Variants in FGGY observed in about 807,000 individuals in gnomAD.
FGGY encodes FGGY carbohydrate kinase domain containing.
FGGY carries 72 observed loss-of-function variants against 71.3 expected under a neutral mutation model. That is an observed-to-expected ratio of 1.01 (90% CI 0.84 to 1.23). FGGY has a LOEUF of 1.23. FGGY is among the 50% of genes most tolerant of loss of function. FGGY has a pLI of 0.00. For synonymous variants in FGGY, 251 were observed against 250.3 expected (o/e 1.00, Z -0.02); for missense variants, 668 against 682.3 (o/e 0.98, Z 0.23).
chr1:59,632,262 A>G (rs187561072), intron 10 of FGGY, among the ~76,000 whole-genome samples: 1 of 152,352 alleles, frequency 6.6e-6, no homozygotes, highest in Non-Finnish European at 1.5e-5. Context: ...AGCCATTGAT[A>G]AATGCTCTAA....
At chr1:59,538,931 C>A (rs2095390714) in intron 7 of FGGY, among the ~76,000 whole-genome samples, 1 of 151,758 alleles carries the variant, frequency 6.6e-6, no homozygotes, top group South Asian at 2.1e-4. Flanking sequence ...ACCAACATGG[C>A]ACGTATATGC....
intron 5 of FGGY, among the ~76,000 whole-genome samples, chr1:59,446,152 C>T (rs554097314): frequency 3.6e-4 from 55 of 152,254 alleles, no homozygotes; most frequent in Non-Finnish European, 5.3e-4. Context: ...TAATTAGTAC[C>T]GTCCTTATTT....
At chr1:59,640,650 A>G (rs1457662107) in intron 11 of FGGY, among the ~76,000 whole-genome samples, 1 of 142,568 alleles carries the variant, frequency 7.0e-6, no homozygotes, top group East Asian at 1.9e-4. Flanking sequence ...GCTTATTTAT[A>G]ATTTATAGGC....
chr1:59,454,048 G>C (rs1368126899), intron 5 of FGGY, among the ~76,000 whole-genome samples: 1 of 152,146 alleles, frequency 6.6e-6, no homozygotes, highest in East Asian at 1.9e-4. Flanking sequence ...TTAGCTTGGA[G>C]GTAGTAGAGA....
chr1:59,471,357 A>C (rs1314584820), intron 6 of FGGY, among the ~76,000 whole-genome samples: 2 of 152,146 alleles, frequency 1.3e-5, no homozygotes, highest in Non-Finnish European at 2.9e-5. Context: ...TCTTTTCTTC[A>C]TAAATTACAC....
chr1:59,453,732 C>T (rs896557169), intron 5 of FGGY, among the ~76,000 whole-genome samples: 1 of 152,102 alleles, frequency 6.6e-6, no homozygotes, highest in African/African-American at 2.4e-5. Flanking sequence ...CATAGAATCT[C>T]TTGAGGCTCA....
At chr1:59,475,923 A>G (rs780941682) in intron 6 of FGGY, among the ~76,000 whole-genome samples, 7 of 152,204 alleles carry the variant, frequency 4.6e-5, no homozygotes, top group Non-Finnish European at 8.8e-5. Context: ...GTGGCTCCCC[A>G]TTGCAGCTGG....
chr1:59,463,745 A>T (rs957323334), intron 6 of FGGY, among the ~76,000 whole-genome samples: 3 of 152,164 alleles, frequency 2.0e-5, no homozygotes, highest in African/African-American at 7.2e-5. Context: ...CTTTAAACCA[A>T]CAAAGATCAA....
At chr1:59,423,777 G>A (rs1289450095) in intron 5 of FGGY, among the ~76,000 whole-genome samples, 1 of 152,154 alleles carries the variant, frequency 6.6e-6, no homozygotes, top group African/African-American at 2.4e-5. Context: ...TTGGAAACCA[G>A]GTACTTTCAT....
upstream of FGGY, chr1:59,296,848 CG>C (rs1553127562): frequency 6.6e-6 from 1 of 152,382 alleles, no homozygotes; most frequent in Non-Finnish European, 1.5e-5. Context: ...CCGTGGGGTT[CG>C]GCGCGGCTAC....
At chr1:59,449,511 C>T (rs2072147512) in intron 5 of FGGY, among the ~76,000 whole-genome samples, 1 of 152,152 alleles carries the variant, frequency 6.6e-6, no homozygotes, top group African/African-American at 2.4e-5. Context: ...TCTCGAACTC[C>T]TGACCTTGTG....
At chr1:59,438,464 G>T (rs1195122624) in intron 5 of FGGY, among the ~76,000 whole-genome samples, 1 of 152,192 alleles carries the variant, frequency 6.6e-6, no homozygotes, top group Non-Finnish European at 1.5e-5. Flanking sequence ...AATGGCTAAT[G>T]TTGCTGTTCC....
At position 59,567,998 on chromosome 1, in the gene FGGY, A is replaced by G. The variant is rs761282264; in HGVS notation, c.903+13771A>G. On this transcript the variant is annotated intron_variant, in intron 8 of 15. Coordinates refer to ENST00000303721, the MANE Select transcript of FGGY (RefSeq NM_018291.5). ...ATCTGCACACGCTTGTTTGAATTCTATGGAACCAGAGATGTTTGAGCATAG... is the reference window on the plus strand; with the variant it reads ...ATCTGCACACGCTTGTTTGAATTCTGTGGAACCAGAGATGTTTGAGCATAG... Among the ~76,000 whole-genome samples the G allele has an allele frequency of 3.3e-5, 5 of 151,974 alleles. No individual in the cohort carries two copies. In the East Asian group the frequency reaches 9.7e-4, roughly 29 times the overall value.
rs1422564165 is a variant in FGGY at position 59,713,874 on chromosome 1, G to C, written c.1512+39741G>C. On this transcript the variant is annotated intron_variant, in intron 14 of 15. Coordinates refer to ENST00000303721, the MANE Select transcript of FGGY (RefSeq NM_018291.5). ...TTGTTGCATACTTCAGTATTTTCTA[G>C]GTATATCTTTGCTTTTTGGAAGTCT... Among the ~76,000 whole-genome samples, 4 of 152,156 alleles carry C rather than the reference G, an allele frequency of 2.6e-5. No homozygotes were observed. The East Asian group carries it at 5.8e-4, about 22-fold the overall frequency.
intron 8 of FGGY, among the ~76,000 whole-genome samples, chr1:59,586,913 A>G (rs1253808231): frequency 6.6e-6 from 1 of 152,212 alleles, no homozygotes; most frequent in African/African-American, 2.4e-5. Flanking sequence ...TACCGGGTTC[A>G]TCTCACTAGG....
chr1:59,332,537 G>C (rs1384592850), intron 2 of FGGY, among the ~76,000 whole-genome samples: 1 of 152,144 alleles, frequency 6.6e-6, no homozygotes, highest in South Asian at 2.1e-4. Context: ...TGATCATAAG[G>C]CATTTCCTTG....
At chr1:59,684,970 G>A (rs1016637498) in intron 14 of FGGY, among the ~76,000 whole-genome samples, 1 of 152,214 alleles carries the variant, frequency 6.6e-6, no homozygotes, top group African/African-American at 2.4e-5. Context: ...TATGAGGTAG[G>A]TGGCATCATT....
At chr1:59,476,707 C>T (rs2093280848) in intron 6 of FGGY, among the ~76,000 whole-genome samples, 1 of 152,178 alleles carries the variant, frequency 6.6e-6, no homozygotes, top group African/African-American at 2.4e-5. Context: ...AATTACCTGC[C>T]CAATGTCAAA....
chr1:59,707,818 C>T lies in FGGY; in HGVS notation c.1512+33685C>T, dbSNP rs922945290. Among the ~76,000 whole-genome samples the T allele has an allele frequency of 4.6e-5, 7 of 152,182 alleles. No individual in the cohort carries two copies. The South Asian group carries it at 1.0e-3, about 22-fold the overall frequency. ...TGACAAATGGCTTTGCCCAAAGAAT[C>T]GGCATCCTTGGACTTCATACAAAGC... On this transcript the variant is annotated intron_variant, in intron 14 of 15. Coordinates refer to ENST00000303721, the MANE Select transcript of FGGY (RefSeq NM_018291.5).
Sources: allele counts gnomAD v4.1 joint callset (sites outside exome capture counted in the v4.1 genomes callset), GRCh38; gene constraint gnomAD v4.1.1; transcripts MANE v1.5; gene names NCBI Gene and HGNC (gene_info 2026-07-23, HGNC 2026-07-21).